RALGPS2: variants seen among roughly 807,000 people sequenced by gnomAD.
The protein encoded by RALGPS2 is ras-specific guanine nucleotide-releasing factor RalGPS2.
In RALGPS2, 43 loss-of-function variants were observed where a neutral mutation model predicts 86.8. The ratio of observed to expected loss-of-function variants is 0.50; its 90% CI spans 0.39 to 0.64. The LOEUF is 0.64. Ranked by LOEUF, RALGPS2 falls within the 30% of genes least tolerant of loss-of-function variation. The pLI is 0.00. For missense variants in RALGPS2, 536 were observed against 694.6 expected (o/e 0.77, Z 2.57); for synonymous variants, 243 against 231.3 (o/e 1.05, Z -0.46).
intron 1 of RALGPS2, among the ~76,000 whole-genome samples, chr1:178,744,192 G>T (rs757442316): frequency 2.6e-5 from 4 of 152,138 alleles, no homozygotes; most frequent in Non-Finnish European, 5.9e-5. Context: ...TGCAAAGTTG[G>T]TTTAACATTT....
At chr1:178,899,709 A>G (rs1236008922) in intron 17 of RALGPS2, among the ~76,000 whole-genome samples, 1 of 151,070 alleles carries the variant, frequency 6.6e-6, no homozygotes, top group Non-Finnish European at 1.5e-5. Context: ...AATCAAATCC[A>G]AATTGTGGGT....
At chr1:178,779,340 G>A (rs1572323639) in intron 2 of RALGPS2, among the ~76,000 whole-genome samples, 1 of 151,936 alleles carries the variant, frequency 6.6e-6, no homozygotes, top group Non-Finnish European at 1.5e-5. Context: ...TTAGCATCTG[G>A]CTTCTATATT....
At chr1:178,847,418 C>T (rs1013977633) in intron 8 of RALGPS2, among the ~76,000 whole-genome samples, 3 of 151,352 alleles carry the variant, frequency 2.0e-5, no homozygotes, top group Non-Finnish European at 4.4e-5. Context: ...TGCACTTCAG[C>T]ATGGGCAACA....
At chr1:178,828,014 G>T (rs1403143760) in intron 7 of RALGPS2, among the ~76,000 whole-genome samples, 1 of 152,134 alleles carries the variant, frequency 6.6e-6, no homozygotes, top group Non-Finnish European at 1.5e-5. Context: ...AAAACTACTA[G>T]AAGAAAACAC....
At chr1:178,894,059 C>A in intron 16 of RALGPS2, 35 bp downstream of exon 16, 1 of 1,256,480 alleles carries the variant, frequency 8.0e-7, no homozygotes, top group Non-Finnish European at 1.1e-6. Context: ...TAATACACCT[C>A]TAAAAATATG....
chr1:178,904,739 G>A (rs1660320628), intron 18 of RALGPS2, among the ~76,000 whole-genome samples: 1 of 152,140 alleles, frequency 6.6e-6, no homozygotes, highest in Non-Finnish European at 1.5e-5. Flanking sequence ...ATGCTGTTTT[G>A]GTGACTGTGG....
intron 1 of RALGPS2, among the ~76,000 whole-genome samples, chr1:178,769,108 A>T (rs899124366): frequency 1.3e-5 from 2 of 151,910 alleles, no homozygotes; most frequent in Non-Finnish European, 2.9e-5. Context: ...CAGGCTACCA[A>T]TCCCAGCAAA....
intron 14 of RALGPS2, 131 bp from the exon 15 acceptor site, chr1:178,892,099 A>T: frequency 1.1e-6 from 1 of 881,558 alleles, no homozygotes. Context: ...AGGAACAATC[A>T]CATACTATCC....
At chr1:178,782,142 A>G (rs1188448334) in intron 2 of RALGPS2, among the ~76,000 whole-genome samples, 1 of 152,216 alleles carries the variant, frequency 6.6e-6, no homozygotes, top group Non-Finnish European at 1.5e-5. Context: ...CAAATAGAGA[A>G]TCACAGCTTA....
intron 4 of RALGPS2, among the ~76,000 whole-genome samples, chr1:178,789,217 C>A (rs1389975235): frequency 6.6e-6 from 1 of 152,150 alleles, no homozygotes; most frequent in Non-Finnish European, 1.5e-5. Flanking sequence ...TTAAGCAGCT[C>A]TTTGATACTG....
chr1:178,823,473 G>A (rs1037211848), intron 7 of RALGPS2, among the ~76,000 whole-genome samples: 12 of 152,194 alleles, frequency 7.9e-5, no homozygotes, highest in Non-Finnish European at 1.8e-4. Flanking sequence ...AAGGAAGGCA[G>A]GACAGTACTG....
intron 8 of RALGPS2, among the ~76,000 whole-genome samples, chr1:178,839,578 T>C (rs1219557836): frequency 6.6e-6 from 1 of 152,108 alleles, no homozygotes; most frequent in Non-Finnish European, 1.5e-5. Context: ...GTAGAGACCA[T>C]TGATGCTAGG....
At chr1:178,885,818 C>T (rs1659456715) in intron 12 of RALGPS2, 151 bp from the exon 13 acceptor site, 3 of 607,948 alleles carry the variant, frequency 4.9e-6, no homozygotes, top group Non-Finnish European at 7.9e-6. Context: ...TTTCCTAAAA[C>T]ATTTTCCCTA....
chr1:178,866,393 C>T (rs1658414193), intron 8 of RALGPS2, among the ~76,000 whole-genome samples: 1 of 152,132 alleles, frequency 6.6e-6, no homozygotes, highest in Admixed American at 6.6e-5. Flanking sequence ...ATAGTTTTAG[C>T]ATCACATGCT....
chr1:178,746,715 T>C (rs1651350267), intron 1 of RALGPS2: 2 of 777,388 alleles, frequency 2.6e-6, no homozygotes, highest in African/African-American at 1.7e-5. Flanking sequence ...CTTTTTCTTT[T>C]TCGTTCATTC....
intron 1 of RALGPS2, among the ~76,000 whole-genome samples, chr1:178,763,146 C>G (rs1652332864): frequency 6.6e-6 from 1 of 152,098 alleles, no homozygotes; most frequent in African/African-American, 2.4e-5. Context: ...TGTGAAAGAT[C>G]AGATTGTAGG....
At chr1:178,916,146 A>AT (rs1231859242) in intron 19 of RALGPS2, among the ~76,000 whole-genome samples, 184 bp from the exon 20 acceptor site, 1 of 152,136 alleles carries the variant, frequency 6.6e-6, no homozygotes, top group African/African-American at 2.4e-5. Flanking sequence ...CATTTTGGTG[A>AT]TTTTCTCTCA....
At chr1:178,909,294 A>G (rs545507817) in intron 19 of RALGPS2, among the ~76,000 whole-genome samples, 1 of 152,262 alleles carries the variant, frequency 6.6e-6, no homozygotes, top group Admixed American at 6.5e-5. Flanking sequence ...TTGTACCAGT[A>G]CCATGCTATT....
rs535593285 is a variant in RALGPS2 at position 178,757,627 on chromosome 1, C to T, written c.-83-19055C>T. ...TGTGTATGTTGAACCAACCTTGCAT[C>T]ACAAGAGTGAAGCTTGCTTAATCAT... is the stretch of plus-strand genomic sequence containing the variant. On this transcript the variant is annotated intron_variant, in intron 1 of 19. Coordinates refer to ENST00000367635, the MANE Select transcript of RALGPS2 (RefSeq NM_152663.5). Among the ~76,000 whole-genome samples, 6 of 152,286 alleles carry T rather than the reference C, an allele frequency of 3.9e-5. No homozygotes were observed. The East Asian group carries it at 1.2e-3, about 29-fold the overall frequency.
Sources: gnomAD v4.1 joint callset for allele counts (sites outside exome capture counted in the v4.1 genomes callset) on GRCh38, gnomAD v4.1.1 for gene constraint, MANE v1.5 for transcripts, NCBI Gene and HGNC (gene_info 2026-07-23, HGNC 2026-07-21) for gene names.